The following PRKG2 variants were observed in gnomAD, a reference collection of about 807,000 sequenced individuals.
PRKG2 encodes cGMP-dependent protein kinase 2.
PRKG2 carries 33 observed loss-of-function variants against 97.2 expected under a neutral mutation model. That is an observed-to-expected ratio of 0.34 (90% CI 0.26 to 0.45). PRKG2 has a LOEUF of 0.45. Among genes scored for constraint, PRKG2 ranks in the 20% least tolerant of loss-of-function variants. The pLI is 1.00. For synonymous variants in PRKG2, 330 were observed against 321.8 expected (o/e 1.03, Z -0.27); for missense variants, 638 against 900.0 (o/e 0.71, Z 3.73).
chr4:81,136,223 A>C (rs187983552), intron 13 of PRKG2, among the ~76,000 whole-genome samples: 1 of 152,214 alleles, frequency 6.6e-6, no homozygotes, highest in East Asian at 1.9e-4. Context: ...TTCATCTTCT[A>C]CTCAGATGCT....
At chr4:81,167,652 G>T (rs1405452551) in intron 5 of PRKG2, among the ~76,000 whole-genome samples, 2 of 152,138 alleles carry the variant, frequency 1.3e-5, no homozygotes, top group South Asian at 2.1e-4. Flanking sequence ...TTATAATTAA[G>T]TAAGGACTGA....
At chr4:81,175,838 G>A (rs1005091494) in intron 2 of PRKG2, among the ~76,000 whole-genome samples, 1 of 152,126 alleles carries the variant, frequency 6.6e-6, no homozygotes, top group Non-Finnish European at 1.5e-5. Context: ...TTATTCATAT[G>A]TAGATATCAT....
intron 5 of PRKG2, 54 bp downstream of exon 5, chr4:81,169,609 T>C: frequency 7.9e-7 from 1 of 1,267,838 alleles, no homozygotes; most frequent in Non-Finnish European, 1.1e-6. Flanking sequence ...AACCAATATA[T>C]TCACAATATG....
rs923295662 is a variant in PRKG2, at chr4:81,120,631, G to T, written c.1777-10020C>A. On this transcript the variant is annotated intron_variant, in intron 14 of 18. Coordinates refer to ENST00000264399, the MANE Select transcript of PRKG2 (RefSeq NM_006259.3). ...GTATATAGGAAAGTGATTGATTTTTGCATGTTAGCCTTGTATCCTGCAACC... is the reference window on the plus strand; with the variant it reads ...GTATATAGGAAAGTGATTGATTTTTTCATGTTAGCCTTGTATCCTGCAACC... Among the ~76,000 whole-genome samples, 112 of 152,142 alleles carry T rather than the reference G, an allele frequency of 7.4e-4. 1 individual carries two copies. Among genetic ancestry groups the T allele is most frequent in the African/African-American group, 2.6e-3 (107 of 41,524 alleles).
intron 14 of PRKG2, among the ~76,000 whole-genome samples, chr4:81,131,237 A>G (rs1461105382): frequency 6.6e-6 from 1 of 151,918 alleles, no homozygotes; most frequent in Non-Finnish European, 1.5e-5. Context: ...TGGCTAGGGG[A>G]GGGAGTTCCC....
In PRKG2 at chr4:81,118,588, T is replaced by C. The variant is rs1426601647; in HGVS notation, c.1777-7977A>G. 6.6e-5 allele frequency among the ~76,000 whole-genome samples: 10 copies of C among 152,248 alleles called. 1 individual carries two copies. Among genetic ancestry groups the C allele is most frequent in the Admixed American group, 6.5e-4 (10 of 15,286 alleles). ...TTCATATGCTTATTTGAGATCTGTATATCTTCTGTGGTGAGGTGTCTCTTC... is the reference window on the plus strand; with the variant it reads ...TTCATATGCTTATTTGAGATCTGTACATCTTCTGTGGTGAGGTGTCTCTTC... On this transcript the variant is annotated intron_variant, in intron 14 of 18. Coordinates refer to ENST00000264399, the MANE Select transcript of PRKG2 (RefSeq NM_006259.3).
At chr4:81,191,727 CA>C (rs1752537887) in intron 2 of PRKG2, among the ~76,000 whole-genome samples, 1 of 152,050 alleles carries the variant, frequency 6.6e-6, no homozygotes, top group South Asian at 2.1e-4. Flanking sequence ...AAAATATACA[CA>C]TCGAAAAGGG....
At chr4:81,104,119 G>A (rs1441971014) in intron 17 of PRKG2, among the ~76,000 whole-genome samples, 1 of 152,126 alleles carries the variant, frequency 6.6e-6, no homozygotes, top group Non-Finnish European at 1.5e-5. Context: ...GCTATGACTT[G>A]AAGATGTGAT....
chr4:81,183,468 C>A, intron 2 of PRKG2, among the ~76,000 whole-genome samples: 1 of 152,152 alleles, frequency 6.6e-6, no homozygotes. Context: ...CCAGATAGTA[C>A]GCTTTTCCCA....
intron 14 of PRKG2, among the ~76,000 whole-genome samples, chr4:81,115,356 A>G (rs1744413594): frequency 6.6e-6 from 1 of 152,160 alleles, no homozygotes; most frequent in Admixed American, 6.6e-5. Flanking sequence ...AGTTTGAGTT[A>G]TAGCATTATA....
chr4:81,105,179 T>C (rs1285176392), intron 16 of PRKG2, among the ~76,000 whole-genome samples: 1 of 152,196 alleles, frequency 6.6e-6, no homozygotes, highest in African/African-American at 2.4e-5. Flanking sequence ...ATTAAGGATG[T>C]CCGTTGCCTG....
intron 17 of PRKG2, among the ~76,000 whole-genome samples, chr4:81,094,709 G>A (rs1474206840): frequency 6.6e-6 from 1 of 151,982 alleles, no homozygotes; most frequent in African/African-American, 2.4e-5. Flanking sequence ...GAAGAGAAGG[G>A]GGAACCATGG....
intron 17 of PRKG2, among the ~76,000 whole-genome samples, chr4:81,101,613 GT>G (rs1742790050): frequency 6.6e-6 from 1 of 151,676 alleles, no homozygotes; most frequent in African/African-American, 2.4e-5. Context: ...TATACCTAAT[GT>G]TAAATGACGA....
In PRKG2 at chr4:81,153,676, C is replaced by T. The variant is rs144485448; in HGVS notation, c.958G>A (p.Gly320Arg). 1.9e-6 allele frequency: 3 copies of T among 1,603,788 alleles called. No individual in the cohort carries two copies. The highest frequency in any genetic ancestry group is 2.6e-6 in the Non-Finnish European group (3 of 1,170,690). ...TTTGCCAAAATGAAAAAGGTACTTC[C>T]TTCCTCGCCCTCTCTAATGATGTAA... ...GDYIIREGEEGSTFFILAKGK... is the reference protein window; with the variant it reads ...GDYIIREGEERSTFFILAKGK... Residue 320 changes from glycine to arginine, a missense_variant, in exon 7 of 19, where the codon GGA becomes AGA. Physicochemically the swap from Gly to Arg is moderately radical, Grantham distance 125. This residue lies in a region of PRKG2 where 332 missense variants were observed against 421.7 expected (regional missense o/e 0.79). Coordinates refer to ENST00000264399, the MANE Select transcript of PRKG2 (RefSeq NM_006259.3).
chr4:81,213,377 G>A (rs1378693807), intron 1 of PRKG2, among the ~76,000 whole-genome samples: 4 of 152,100 alleles, frequency 2.6e-5, no homozygotes, highest in Non-Finnish European at 5.9e-5. Context: ...GAAGGAACAC[G>A]TGTACCAATA....
chr4:81,106,075 AT>A, intron 15 of PRKG2, 140 bp from the exon 16 acceptor site: 1 of 968,390 alleles, frequency 1.0e-6, no homozygotes, highest in Non-Finnish European at 1.5e-6. Flanking sequence ...TTTACAACAA[AT>A]TTAGATATAT....
At chr4:81,212,036 G>A (rs1754002659) in intron 1 of PRKG2, among the ~76,000 whole-genome samples, 1 of 152,072 alleles carries the variant, frequency 6.6e-6, no homozygotes, top group Non-Finnish European at 1.5e-5. Context: ...TCTTCTCCCT[G>A]AAGCAAACCA....
chr4:81,168,006 T>C (rs1750139114), intron 5 of PRKG2, among the ~76,000 whole-genome samples: 1 of 151,978 alleles, frequency 6.6e-6, no homozygotes, highest in Non-Finnish European at 1.5e-5. Context: ...ATATATCACA[T>C]AGAATATCAC....
chr4:81,158,676 C>T (rs575535113), intron 6 of PRKG2, among the ~76,000 whole-genome samples: 48 of 152,238 alleles, frequency 3.2e-4, no homozygotes, highest in African/African-American at 1.1e-3. Context: ...CTGGAGGCAT[C>T]ACACTACCTG....
Sources: gnomAD v4.1 joint callset for allele counts (sites outside exome capture counted in the v4.1 genomes callset) on GRCh38, gnomAD v4.1.1 for gene constraint, gnomAD v4.1.1 regional missense constraint, MANE v1.5 for transcripts, NCBI Gene and HGNC (gene_info 2026-07-23, HGNC 2026-07-21) for gene names.